Variants in NBR1 observed in about 807,000 individuals in gnomAD.
NBR1 encodes the protein next to BRCA1 gene 1 protein.
Under a neutral mutation model 115.5 loss-of-function variants are expected in NBR1, and 59 were observed. The observed-to-expected ratio is 0.51, with a 90% CI of 0.41 to 0.63. The LOEUF (loss-of-function observed/expected upper bound fraction) is 0.63. Among genes scored for constraint, NBR1 ranks in the 30% least tolerant of loss-of-function variants. The pLI, the probability that NBR1 is intolerant of heterozygous loss-of-function variation, is 0.00. For missense variants in NBR1, 1,043 were observed against 1,150.5 expected, an observed-to-expected ratio of 0.91 and a Z score of 1.35; for synonymous variants, 373 against 414.7, an observed-to-expected ratio of 0.90 and a Z score of 1.22.
rs200210818 is a variant in NBR1 at position 43,189,153 on chromosome 17, G to A, written c.480+34G>A. 1.8e-4 allele frequency: 257 copies of A among 1,444,216 alleles called. 1 individual carries two copies. In the African/African-American group the frequency reaches 2.9e-3, roughly 16 times the overall value. The allele number at this position is 1,444,216 out of a possible 1,614,324, so 89.5% of individuals were successfully genotyped here. A position where few individuals can be genotyped will look rare whatever the true frequency, so the allele number is the denominator to read the frequency against. ...TCTGTCTCGCTTGGGTTTTAACTGC[G>A]GTGTTGGCACAGGTGGAATGTGGAA... On this transcript the variant is annotated intron_variant, in intron 7 of 20. Transcript: ENST00000590996.
At chr17:43,194,646 T>A in intron 13 of NBR1, 147 bp downstream of exon 13, 1 of 891,912 alleles carries the variant, frequency 1.1e-6, no homozygotes, top group South Asian at 1.7e-5. Flanking sequence ...AGATCACCCA[T>A]GGAAGCAAGT....
intron 2 of NBR1, among the ~76,000 whole-genome samples, chr17:43,177,620 C>CACACACACACACACACACACACACAG (rs1330894405): frequency 7.1e-6 from 1 of 141,570 alleles, no homozygotes; most frequent in African/African-American, 2.6e-5. Context: ...CACACACACA[C>CACACACACACACACACACACACACAG]AGTTTGGTAT....
chr17:43,190,655 T>C lies in NBR1; in HGVS notation c.742T>C (p.Tyr248His). ...NICEDCEAGP[Y>H]GHDTNHVLLK... ...CTGTGAAGATTGTGAAGCAGGGCCATATGGCCATGACACTAACCACGTCCT... is the reference window on the plus strand; with the variant it reads ...CTGTGAAGATTGTGAAGCAGGGCCACATGGCCATGACACTAACCACGTCCT... The change falls in exon 9 of 21, where the codon TAT becomes CAT. Residue 248 changes from tyrosine to histidine, a missense_variant. Physicochemically the swap from Tyr to His is moderately conservative, Grantham distance 83 (BLOSUM62 2). Coordinates refer to ENST00000590996, the MANE Select transcript of NBR1 (RefSeq NM_005899.5). 2.5e-6 allele frequency: 4 copies of C among 1,610,780 alleles called. No individual in the cohort carries two copies. Among genetic ancestry groups the C allele is most frequent in the Non-Finnish European group, 3.4e-6 (4 of 1,178,450 alleles).
At chr17:43,194,860 T>C in intron 13 of NBR1, 104 bp from the exon 14 acceptor site, 1 of 833,884 alleles carries the variant, frequency 1.2e-6, no homozygotes. Context: ...GGCATGAATT[T>C]GAACAGAGTT....
Position 43,193,133 on chromosome 17 carries a change from C to A in NBR1, c.1113C>A (p.Leu371=). ...CCTGTACCTCCGTTATGCCAATGCTCAGTGCAGCATTTGTGGATGAGAATT... is the reference window on the plus strand; with the variant it reads ...CCTGTACCTCCGTTATGCCAATGCTAAGTGCAGCATTTGTGGATGAGAATT... ...LQPCTSVMPM[L]SAAFVDENLP... The change falls in exon 11 of 21, where the codon CTC becomes CTA. Residue 371 remains leucine, a synonymous_variant. Coordinates refer to ENST00000590996, the MANE Select transcript of NBR1 (RefSeq NM_005899.5). 1 of 1,613,944 alleles carries A rather than the reference C, an allele frequency of 6.2e-7. No individual in the cohort carries two copies. Among genetic ancestry groups the A allele is most frequent in the South Asian group, 1.1e-5 (1 of 91,084 alleles).
rs377016401 is a variant in NBR1 at position 43,178,217 on chromosome 17, T to TAAA, written c.165+230_165+232dup. Among the ~76,000 whole-genome samples the TAAA allele has an allele frequency of 4.2e-5, 6 of 142,974 alleles. No individual in the cohort carries two copies. The East Asian group carries it at 1.2e-3, about 29-fold the overall frequency. The allele number at this position is 142,974 out of a possible 152,430, so 93.8% of individuals were successfully genotyped here. The stretch of plus-strand genomic sequence containing the variant: ...GAATATCTCAGAGATAACTTTCACT[T>TAAA]AAAAAAAAAAAAAGGAAACAGGGTC... On this transcript the variant is annotated intron_variant, in intron 3 of 20. Coordinates refer to ENST00000590996, the MANE Select transcript of NBR1 (RefSeq NM_005899.5).
At chr17:43,196,782 G>T (rs1231304259) in intron 15 of NBR1, among the ~76,000 whole-genome samples, 160 bp from the exon 16 acceptor site, 1 of 152,142 alleles carries the variant, frequency 6.6e-6, no homozygotes, top group Non-Finnish European at 1.5e-5. Context: ...TTTTAGCATG[G>T]GTAATGACTG....
intron 2 of NBR1, among the ~76,000 whole-genome samples, chr17:43,176,956 T>G (rs1424022387): frequency 1.3e-5 from 2 of 152,122 alleles, no homozygotes; most frequent in African/African-American, 4.8e-5. Context: ...TTCATGCAGA[T>G]ATCATACTAG....
chr17:43,184,372 C>CTTTTTTTTTTTTTTTTTT lies in NBR1; in HGVS notation c.208-1867_208-1866insTTTTTTTTTTTTTTTTTT, dbSNP rs71160024. 5.0e-4 allele frequency among the ~76,000 whole-genome samples: 48 copies of CTTTTTTTTTTTTTTTTTT among 96,196 alleles called. 9 individuals are homozygous for CTTTTTTTTTTTTTTTTTT. Among genetic ancestry groups the CTTTTTTTTTTTTTTTTTT allele is most frequent in the Non-Finnish European group, 7.1e-4 (34 of 47,952 alleles). 63.1% of individuals were successfully genotyped at this position (96,196 alleles called of 152,430 possible). On this transcript the variant is annotated intron_variant, in intron 5 of 20. Transcript: ENST00000590996. Reference sequence around the variant, plus strand: ...CCTCTCATCGCCCCAAAATACTATTCTTTTTTTTTTTGAGACAGAGTCTCA... The same window carrying CTTTTTTTTTTTTTTTTTT: ...CCTCTCATCGCCCCAAAATACTATTCTTTTTTTTTTTTTTTTTTTTTTTTTTTTTGAGACAGAGTCTCA...
In NBR1 at chr17:43,191,424, C is replaced by T. The variant is rs761883172; in HGVS notation, c.916C>T (p.Arg306Ter). The T allele has an allele frequency of 3.7e-6, 6 of 1,613,262 alleles. No individual in the cohort carries two copies. The highest frequency in any genetic ancestry group is 1.7e-5 in the Admixed American group (1 of 59,882). ...NFLKAEKQRL[R>*]AEKKQRKAEV... ...TCTTAAAGCAGAAAAGCAAAGGTTG[C>T]GAGCTGAGAAGAAACAACGTAAAGC... is the stretch of plus-strand genomic sequence containing the variant. Residue 306 changes from arginine (R) to a stop codon, truncating the protein, a stop_gained, in exon 10 of 21, where the codon CGA (arginine) becomes TGA (stop). Transcript: ENST00000590996. LOFTEE classifies it high-confidence loss of function.
intron 18 of NBR1, among the ~76,000 whole-genome samples, chr17:43,202,452 TC>T (rs1328451868): frequency 5.9e-5 from 9 of 151,534 alleles, no homozygotes; most frequent in African/African-American, 2.2e-4. Flanking sequence ...CAATAAACAA[TC>T]ATCTTGCATT....
rs2056563178 is a variant in NBR1, at chr17:43,177,931, T to C, written c.103-5T>C. 3.3e-6 allele frequency: 5 copies of C among 1,527,096 alleles called. No individual in the cohort carries two copies. The allele number at this position is 1,527,096 out of a possible 1,614,324, so 94.6% of individuals were successfully genotyped here. On this transcript the variant is annotated splice_polypyrimidine_tract_variant and splice_region_variant and intron_variant, in intron 2 of 20. Coordinates refer to ENST00000590996, the MANE Select transcript of NBR1 (RefSeq NM_005899.5). The stretch of plus-strand genomic sequence containing the variant: ...CCTGCCTTTAAATATGTATCTCTTT[T>C]ATAGGTAAAAGTTTCATTTGATCTG...
chr17:43,196,507 C>T lies in NBR1; in HGVS notation c.1777C>T (p.Pro593Ser), dbSNP rs368143342. 121 of 1,596,142 alleles carry T rather than the reference C, an allele frequency of 7.6e-5. No homozygotes were observed. The African/African-American group carries it at 1.1e-3, about 14-fold the overall frequency. The part of the protein sequence containing the change: ...VDVTPCMSPL[P>S]HDSPLIEKPG... ...TGTGACTCCCTGCATGTCTCCTCTGCCACATGACAGTCCTTTAATAGAGAA... is the reference window on the plus strand; with the variant it reads ...TGTGACTCCCTGCATGTCTCCTCTGTCACATGACAGTCCTTTAATAGAGAA... The change falls in exon 15 of 21, where the codon CCA becomes TCA. Residue 593 changes from proline (P) to serine (S), a missense_variant. By Grantham distance (74) the Pro-to-Ser change is moderately conservative. Coordinates refer to ENST00000590996, the MANE Select transcript of NBR1 (RefSeq NM_005899.5).
chr17:43,180,605 C>T (rs1220764262), intron 4 of NBR1, among the ~76,000 whole-genome samples, 190 bp from the exon 5 acceptor site: 2 of 152,076 alleles, frequency 1.3e-5, no homozygotes, highest in Admixed American at 6.6e-5. Flanking sequence ...ATATAATTTA[C>T]GATTATTTAA....
rs1459626225 is a variant in NBR1, at chr17:43,171,292, G to A, written c.-20G>A. 2 of 152,762 alleles carry A rather than the reference G, an allele frequency of 1.3e-5. No individual in the cohort carries two copies. Among genetic ancestry groups the A allele is most frequent in the East Asian group, 3.9e-4 (2 of 5,190 alleles). 9.5% of individuals were successfully genotyped at this position (152,762 alleles called of 1,614,324 possible). A position where few individuals can be genotyped will look rare whatever the true frequency, so the allele number is the denominator to read the frequency against. On this transcript the variant is annotated 5_prime_UTR_variant, in exon 1 of 21. Transcript: ENST00000590996. ...GGCCTCCGGCAGGCGCCCCCCGGGGGCGGGAAGCTGGTAAGGAAGCAGCTG... is the reference window on the plus strand; with the variant it reads ...GGCCTCCGGCAGGCGCCCCCCGGGGACGGGAAGCTGGTAAGGAAGCAGCTG...
intron 20 of NBR1, among the ~76,000 whole-genome samples, chr17:43,209,133 A>G (rs1315193790): frequency 2.6e-5 from 4 of 151,470 alleles, no homozygotes; most frequent in East Asian, 3.9e-4. Context: ...CTGGAGTGCA[A>G]TGGCGCGATC....
In NBR1 at chr17:43,198,234, T is replaced by G. The variant is rs192062854; in HGVS notation, c.2026+1128T>G. Among the ~76,000 whole-genome samples, 101 of 151,844 alleles carry G rather than the reference T, an allele frequency of 6.7e-4. No homozygotes were observed. The Middle Eastern group carries it at 0.014, about 21-fold the overall frequency. On this transcript the variant is annotated intron_variant, in intron 16 of 20. Transcript: ENST00000590996. Reference sequence around the variant, plus strand: ...CTAGGTATCAGATAGATAGAACCAATAGCATATATTTTAAGAAGTATCCAA... The same window carrying G: ...CTAGGTATCAGATAGATAGAACCAAGAGCATATATTTTAAGAAGTATCCAA...
intron 20 of NBR1, among the ~76,000 whole-genome samples, 183 bp downstream of exon 20, chr17:43,203,969 G>A (rs953371530): frequency 2.8e-5 from 4 of 142,156 alleles, no homozygotes; most frequent in Non-Finnish European, 6.0e-5. Context: ...ACGAAGTCTC[G>A]CTCTGTTGCC....
At position 43,196,491 on chromosome 17, in the gene NBR1, C is replaced by A; in HGVS notation, c.1761C>A (p.Pro587=). The change falls in exon 15 of 21, where the codon CCC becomes CCA. Residue 587 remains proline (P), a synonymous_variant. Transcript: ENST00000590996. The stretch of plus-strand genomic sequence containing the variant: ...GTCTTCATTCTCCAGATGTGACTCC[C>A]TGCATGTCTCCTCTGCCACATGACA... The part of the protein sequence containing the change: ...VPHNTPVDVT[P]CMSPLPHDSP... 6.3e-7 allele frequency: 1 copy of A among 1,580,294 alleles called. No individual in the cohort carries two copies. Among genetic ancestry groups the A allele is most frequent in the South Asian group, 1.2e-5 (1 of 84,364 alleles).
Sources: gnomAD v4.1 joint callset for allele counts (sites outside exome capture counted in the v4.1 genomes callset) on GRCh38, gnomAD v4.1.1 for gene constraint, MANE v1.5 for transcripts, NCBI Gene and HGNC (gene_info 2026-07-23, HGNC 2026-07-21) for gene names.